The following ACVR1 variants were observed in gnomAD, a reference collection of about 807,000 sequenced individuals.
The protein encoded by ACVR1 is activin receptor type-1.
In ACVR1, 38 loss-of-function variants were observed where a neutral mutation model predicts 57.1. The observed-to-expected ratio is 0.67, with a 90% CI of 0.51 to 0.87. The LOEUF (loss-of-function observed/expected upper bound fraction) is 0.87, where lower values mean the gene tolerates loss of function less well. ACVR1 is among the 40% of genes least tolerant of loss of function. ACVR1 has a pLI of 0.00. For synonymous variants in ACVR1, 212 were observed against 228.1 expected, an observed-to-expected ratio of 0.93 and a Z score of 0.63; for missense variants, 463 against 638.2, an observed-to-expected ratio of 0.73 and a Z score of 2.96.
chr2:157,742,014 G>A (rs944168423), intron 9 of ACVR1, among the ~76,000 whole-genome samples: 3 of 152,156 alleles, frequency 2.0e-5, no homozygotes, highest in East Asian at 1.9e-4. Context: ...ATCCTCTGAC[G>A]TTGGAGAGGT....
In ACVR1 at chr2:157,752,611, A is replaced by G. The variant is rs1051820317; in HGVS notation, c.1264+8269T>C. Among the ~76,000 whole-genome samples, 3 of 152,194 alleles carry G rather than the reference A, an allele frequency of 2.0e-5. 1 individual carries two copies. Among genetic ancestry groups the G allele is most frequent in the African/African-American group, 7.2e-5 (3 of 41,456 alleles). ...CAGCAGATTTCTCAGCAGAGACCCC[A>G]CAAGCTAGAAGGGATTGGGGCCCTA... On this transcript the variant is annotated intron_variant, in intron 9 of 10. Coordinates refer to ENST00000434821, the MANE Select transcript of ACVR1 (RefSeq NM_001111067.4).
chr2:157,841,181 T>C (rs1262721036), intron 1 of ACVR1, among the ~76,000 whole-genome samples: 1 of 152,092 alleles, frequency 6.6e-6, no homozygotes, highest in African/African-American at 2.4e-5. Flanking sequence ...ATATTAAAGT[T>C]GAAAAAGATA....
At chr2:157,748,946 C>A (rs995877025) in intron 9 of ACVR1, among the ~76,000 whole-genome samples, 1 of 152,202 alleles carries the variant, frequency 6.6e-6, no homozygotes, top group African/African-American at 2.4e-5. Context: ...TTAGAGACTT[C>A]ATGCATTATT....
chr2:157,810,208 C>T (rs201031248), intron 2 of ACVR1, among the ~76,000 whole-genome samples: 1 of 152,220 alleles, frequency 6.6e-6, no homozygotes, highest in Admixed American at 6.5e-5. Context: ...ATTGTGGAAA[C>T]GTGGGAATCC....
At chr2:157,795,272 C>T (rs1226197882) in intron 3 of ACVR1, among the ~76,000 whole-genome samples, 2 of 151,944 alleles carry the variant, frequency 1.3e-5, no homozygotes, top group East Asian at 3.9e-4. Context: ...TTAACATTTG[C>T]TTTTTAACCA....
rs191366786 is a variant in ACVR1 at position 157,857,227 on chromosome 2, A to G, written c.-183+18569T>C. ...AAAAAAAGAAAGAAAAAGAAAATACACAATTCTGGATATTTCTGGGACTCT... is the reference window on the plus strand; with the variant it reads ...AAAAAAAGAAAGAAAAAGAAAATACGCAATTCTGGATATTTCTGGGACTCT... On this transcript the variant is annotated intron_variant, in intron 1 of 10. Coordinates refer to ENST00000434821, the MANE Select transcript of ACVR1 (RefSeq NM_001111067.4). 1.1e-3 allele frequency among the ~76,000 whole-genome samples: 174 copies of G among 152,130 alleles called. 1 individual carries two copies. Among genetic ancestry groups the G allele is most frequent in the Non-Finnish European group, 1.3e-4 (9 of 67,974 alleles).
intron 1 of ACVR1, among the ~76,000 whole-genome samples, chr2:157,850,320 G>A (rs1431011338): frequency 6.6e-6 from 1 of 151,836 alleles, no homozygotes; most frequent in Non-Finnish European, 1.5e-5. Context: ...AACCCGGTAG[G>A]CAGAGGTTGC....
chr2:157,850,369 G>A (rs1235911334), intron 1 of ACVR1, among the ~76,000 whole-genome samples: 2 of 149,138 alleles, frequency 1.3e-5, no homozygotes, highest in Non-Finnish European at 3.0e-5. Flanking sequence ...CAGCCTGGGC[G>A]ACAGAAAAGA....
chr2:157,769,474 G>A (rs560268804), intron 7 of ACVR1, among the ~76,000 whole-genome samples: 1 of 152,244 alleles, frequency 6.6e-6, no homozygotes, highest in African/African-American at 2.4e-5. Context: ...ATTTTGAGAT[G>A]GAACATCACC....
intron 1 of ACVR1, among the ~76,000 whole-genome samples, chr2:157,838,053 C>G (rs1418475227): frequency 6.6e-6 from 1 of 152,086 alleles, no homozygotes; most frequent in Non-Finnish European, 1.5e-5. Context: ...CAGAACCAGC[C>G]AGTCTGACTC....
At chr2:157,797,377 C>G (rs1374939765) in intron 3 of ACVR1, among the ~76,000 whole-genome samples, 1 of 151,884 alleles carries the variant, frequency 6.6e-6, no homozygotes, top group Non-Finnish European at 1.5e-5. Context: ...AAGACCATAC[C>G]CCAAAGAACC....
At chr2:157,872,706 C>G (rs1231593036) in intron 1 of ACVR1, among the ~76,000 whole-genome samples, 1 of 152,212 alleles carries the variant, frequency 6.6e-6, no homozygotes, top group Non-Finnish European at 1.5e-5. Context: ...AATCTATAGT[C>G]AGCATAGTGC....
chr2:157,866,370 A>T (rs921356590), intron 1 of ACVR1, among the ~76,000 whole-genome samples: 5 of 152,098 alleles, frequency 3.3e-5, no homozygotes, highest in Admixed American at 6.5e-5. Context: ...GAGAAGAGAG[A>T]GGAGCTGAGG....
At chr2:157,865,312 T>C (rs1689875591) in intron 1 of ACVR1, among the ~76,000 whole-genome samples, 1 of 152,196 alleles carries the variant, frequency 6.6e-6, no homozygotes. Flanking sequence ...CAGGCTAGCA[T>C]TTGAGTCTTA....
chr2:157,855,833 T>G (rs1689511999), intron 1 of ACVR1, among the ~76,000 whole-genome samples: 1 of 152,174 alleles, frequency 6.6e-6, no homozygotes, highest in Non-Finnish European at 1.5e-5. Context: ...CTTGATGTTT[T>G]GTCTGACTCA....
At chr2:157,743,177 T>C (rs1684843567) in intron 9 of ACVR1, among the ~76,000 whole-genome samples, 1 of 152,152 alleles carries the variant, frequency 6.6e-6, no homozygotes, top group Admixed American at 6.5e-5. Flanking sequence ...CATTCCCACC[T>C]GCACCTCACA....
intron 1 of ACVR1, among the ~76,000 whole-genome samples, chr2:157,839,629 TCACAC>T (rs1688911522): frequency 6.6e-6 from 1 of 152,148 alleles, no homozygotes; most frequent in Non-Finnish European, 1.5e-5. Flanking sequence ...TGATCTAATG[TCACAC>T]CACACAACTA....
intron 1 of ACVR1, among the ~76,000 whole-genome samples, chr2:157,819,081 A>G (rs1465722358): frequency 3.4e-5 from 5 of 146,474 alleles, no homozygotes; most frequent in Non-Finnish European, 6.1e-5. Flanking sequence ...CCGTCTCAAA[A>G]AAAAAAAAAA....
At chr2:157,797,706 A>C (rs1687171299) in intron 3 of ACVR1, among the ~76,000 whole-genome samples, 1 of 152,190 alleles carries the variant, frequency 6.6e-6, no homozygotes. Context: ...TGAGTAATGA[A>C]AGTAAGTAAG....
Sources: allele counts gnomAD v4.1 joint callset (sites outside exome capture counted in the v4.1 genomes callset), GRCh38; gene constraint gnomAD v4.1.1; transcripts MANE v1.5; gene names NCBI Gene and HGNC (gene_info 2026-07-23, HGNC 2026-07-21).